Variants in PLEKHG1 observed in about 807,000 individuals in gnomAD.
PLEKHG1 encodes the protein pleckstrin homology domain-containing family G member 1.
In PLEKHG1, 44 loss-of-function variants were observed where a neutral mutation model predicts 100.8. That is an observed-to-expected ratio of 0.44 (90% CI 0.34 to 0.56). PLEKHG1 has a LOEUF of 0.56. Ranked by LOEUF, PLEKHG1 falls within the 20% of genes least tolerant of loss-of-function variation. PLEKHG1 has a pLI of 0.01. For synonymous variants in PLEKHG1, 640 were observed against 662.5 expected (o/e 0.97, Z 0.52); for missense variants, 1,545 against 1,720.9 (o/e 0.90, Z 1.81).
At chr6:150,607,452 T>C (rs1362533369) in intron 1 of PLEKHG1, among the ~76,000 whole-genome samples, 1 of 152,212 alleles carries the variant, frequency 6.6e-6, no homozygotes, top group African/African-American at 2.4e-5. Flanking sequence ...CCTCTAACCA[T>C]GTAACCTGCT....
In PLEKHG1 at chr6:150,733,756, T is replaced by C. The variant is rs144124479; in HGVS notation, c.75T>C (p.His25=). 8.2e-4 allele frequency: 1,329 copies of C among 1,614,158 alleles called. 2 individuals carry two copies. The highest frequency in any genetic ancestry group is 3.8e-3 in the South Asian group (350 of 91,082). Residue 25 remains histidine, a synonymous_variant, in exon 2 of 16, where the codon CAT becomes CAC. Transcript: ENST00000358517. ...CCTCGGCCTCTTCCCGCGACAGCCA[T>C]GGTTCCTTCGGCAGCAGAATGACCT... is the stretch of plus-strand genomic sequence containing the variant.
rs149069628 is a variant in PLEKHG1, at chr6:150,623,802, G to A, written c.-203-14278G>A. ...CCGAGGCTGCAGCGACCTGTTTACC[G>A]TGCTGCCCTGTGGTATTGGGCTTTT... On this transcript the variant is annotated intron_variant, in intron 1 of 3. Coordinates refer to the PLEKHG1 transcript ENST00000367326. 8.4e-4 allele frequency among the ~76,000 whole-genome samples: 128 copies of A among 152,308 alleles called. No individual in the cohort carries two copies. In the East Asian group the frequency reaches 9.3e-3, roughly 11 times the overall value.
chr6:150,831,866 G>A lies in PLEKHG1; in HGVS notation c.2755G>A (p.Glu919Lys). The change falls in exon 15 of 16, where the codon GAA (glutamate) becomes AAA (lysine). Residue 919 changes from glutamate (E) to lysine (K), a missense_variant. Physicochemically the swap from Glu to Lys is moderately conservative, Grantham distance 56. Coordinates refer to ENST00000358517, the Ensembl canonical transcript of PLEKHG1. The surrounding 1 kb of genome is among the most constrained non-coding windows in gnomAD (Gnocchi z 4.1). ...CAGCCGCGCCAACTGCCCCTTTGAG[G>A]AAGACCTGATTTCTAAAGAAGGCTC... 5 of 1,613,804 alleles carry A rather than the reference G, an allele frequency of 3.1e-6. No individual in the cohort carries two copies. The highest frequency in any genetic ancestry group is 4.2e-6 in the Non-Finnish European group (5 of 1,179,824).
chr6:150,615,161 A>G (rs1396563498), intron 1 of PLEKHG1, among the ~76,000 whole-genome samples: 1 of 152,226 alleles, frequency 6.6e-6, no homozygotes, highest in African/African-American at 2.4e-5. Context: ...CCTCTCTGGC[A>G]TTCATCTGAT....
At chr6:150,828,338 G>C in intron 14 of PLEKHG1, 1 of 1,611,538 alleles carries the variant, frequency 6.2e-7, no homozygotes, top group South Asian at 1.1e-5. Flanking sequence ...TCCTCAGTGC[G>C]GCGCTCTGTC....
chr6:150,823,790 T>C, intron 14 of PLEKHG1, 114 bp downstream of exon 15: 1 of 739,038 alleles, frequency 1.4e-6, no homozygotes, highest in Non-Finnish European at 2.3e-6. Flanking sequence ...ACAGTTATTT[T>C]ACATTTTGGA....
chr6:150,666,906 G>A (rs562439842), intron 3 of PLEKHG1, among the ~76,000 whole-genome samples: 2 of 152,048 alleles, frequency 1.3e-5, no homozygotes, highest in East Asian at 3.9e-4. Flanking sequence ...GACTACAGGT[G>A]CCCACCACCA....
chr6:150,617,211 T>C (rs1777109435), intron 1 of PLEKHG1, among the ~76,000 whole-genome samples: 1 of 152,238 alleles, frequency 6.6e-6, no homozygotes, highest in Admixed American at 6.5e-5. Flanking sequence ...TGGTGAAGAT[T>C]ATAGAATCCA....
rs543993662 is a variant in PLEKHG1, at chr6:150,704,160, G to A, written c.-98-29424G>A. Among the ~76,000 whole-genome samples the A allele has an allele frequency of 2.6e-5, 4 of 152,268 alleles. No homozygotes were observed. The South Asian group carries it at 8.3e-4, about 32-fold the overall frequency. On this transcript the variant is annotated intron_variant, in intron 3 of 3. Transcript: ENST00000367326. The stretch of plus-strand genomic sequence containing the variant: ...AATCTTAGTTGGTTCTTTGGAGTGA[G>A]GGGGGCGATGTTTGCTGGTGCTGTC...
chr6:150,663,739 A>T (rs1026359921), intron 3 of PLEKHG1: 23 of 152,002 alleles, frequency 1.5e-4, no homozygotes, highest in African/African-American at 4.4e-4. Flanking sequence ...TTTTTAGTAG[A>T]GACGGGGTTT....
rs374692521 is a variant in PLEKHG1, at chr6:150,828,369, T to A, written c.1471-2213T>A. On this transcript the variant is annotated intron_variant, in intron 14 of 15. Coordinates refer to ENST00000358517, the Ensembl canonical transcript of PLEKHG1. ...CTGTCCTCATGAAGAGGGACAGCGA[T>A]TCCAAGGGTGACTGAGGCTACAGCT... is the stretch of plus-strand genomic sequence containing the variant. 12 of 1,609,574 alleles carry A rather than the reference T, an allele frequency of 7.5e-6. No homozygotes were observed. The African/African-American group carries it at 1.2e-4, about 16-fold the overall frequency.
intron 1 of PLEKHG1, among the ~76,000 whole-genome samples, chr6:150,732,356 A>G (rs1386351400): frequency 6.6e-6 from 1 of 152,214 alleles, no homozygotes; most frequent in Admixed American, 6.5e-5. Context: ...ATAACTCCAT[A>G]TATGCCACAA....
chr6:150,619,316 A>ACCTCCCTGCCCTCTGCC (rs1777198930), intron 1 of PLEKHG1, among the ~76,000 whole-genome samples: 1 of 151,490 alleles, frequency 6.6e-6, no homozygotes, highest in Admixed American at 6.6e-5. Context: ...CCACCTCCGC[A>ACCTCCCTGCCCTCTGCC]CCTCCCTGCC....
At chr6:150,612,172 A>G (rs535423005) in intron 1 of PLEKHG1, among the ~76,000 whole-genome samples, 9 of 151,478 alleles carry the variant, frequency 5.9e-5, no homozygotes, top group Admixed American at 1.3e-4. Flanking sequence ...ATAGTTCTCA[A>G]TCTATGTTCA....
At chr6:150,800,646 G>A (rs913352757) in intron 5 of PLEKHG1, 73 bp from the exon 7 acceptor site, 1 of 1,402,936 alleles carries the variant, frequency 7.1e-7, no homozygotes. Flanking sequence ...ATTTACACTT[G>A]CAATAGCATT....
chr6:150,762,684 C>T (rs1479416281), intron 2 of PLEKHG1, among the ~76,000 whole-genome samples: 1 of 152,146 alleles, frequency 6.6e-6, no homozygotes, highest in Non-Finnish European at 1.5e-5. Context: ...TGTATCCAGC[C>T]TAATGCAGTG....
Position 150,671,088 on chromosome 6 carries a change from C to CATATATAT in PLEKHG1, c.-99+20318_-99+20325dup, listed in dbSNP as rs10566696. Among the ~76,000 whole-genome samples the CATATATAT allele has an allele frequency of 7.2e-3, 1,058 of 147,486 alleles. 14 individuals carry two copies. The highest frequency in any genetic ancestry group is 0.023 in the African/African-American group (908 of 40,096). ...TTTTTATGGTTACATAGTATTCCAT[C>CATATATAT]ATATATATATATATATATATATACA... On this transcript the variant is annotated intron_variant, in intron 3 of 3. Transcript: ENST00000367326.
intron 3 of PLEKHG1, among the ~76,000 whole-genome samples, chr6:150,696,190 A>C (rs1269051239): frequency 6.6e-6 from 1 of 152,190 alleles, no homozygotes; most frequent in Non-Finnish European, 1.5e-5. Context: ...CATATCCTTT[A>C]AATGATTTAT....
intron 3 of PLEKHG1, among the ~76,000 whole-genome samples, chr6:150,778,012 C>A (rs1383250046): frequency 6.6e-6 from 1 of 152,228 alleles, no homozygotes; most frequent in South Asian, 2.1e-4. Flanking sequence ...TCTTTTATAG[C>A]GAGATGTCTT....
Sources: gnomAD v4.1 joint callset for allele counts (sites outside exome capture counted in the v4.1 genomes callset) on GRCh38, gnomAD v4.1.1 for gene constraint, Gnocchi (gnomAD v3.1) non-coding constraint, MANE v1.5 for transcripts, NCBI Gene and HGNC (gene_info 2026-07-23, HGNC 2026-07-21) for gene names.